Variants in KLKB1 observed in about 807,000 individuals in gnomAD.
KLKB1 encodes the protein plasma kallikrein.
In KLKB1, 58 loss-of-function variants were observed where a neutral mutation model predicts 73.6. The ratio of observed to expected loss-of-function variants is 0.79; its 90% CI spans 0.64 to 0.98. KLKB1 has a LOEUF of 0.98. Ranked by LOEUF, KLKB1 falls within the 50% of genes least tolerant of loss-of-function variation. KLKB1 has a pLI of 0.00. For missense variants in KLKB1, 737 were observed against 763.8 expected, an observed-to-expected ratio of 0.96 and a Z score of 0.41; for synonymous variants, 280 against 258.1, an observed-to-expected ratio of 1.08 and a Z score of -0.81.
At chr4:186,256,702 C>T (rs1193289763) in intron 13 of KLKB1, among the ~76,000 whole-genome samples, 3 of 152,112 alleles carry the variant, frequency 2.0e-5, no homozygotes, top group Non-Finnish European at 4.4e-5. Context: ...CAAAAGACCC[C>T]TCTGTTGCCA....
At chr4:186,229,638 G>A (rs1737302465) in intron 2 of KLKB1, among the ~76,000 whole-genome samples, 1 of 152,114 alleles carries the variant, frequency 6.6e-6, no homozygotes, top group Admixed American at 6.6e-5. Flanking sequence ...TTAGGTTTCA[G>A]AAAGTTTACT....
intron 4 of KLKB1, among the ~76,000 whole-genome samples, chr4:186,235,922 T>C (rs1233223543): frequency 6.6e-6 from 1 of 151,826 alleles, no homozygotes; most frequent in Non-Finnish European, 1.5e-5. Flanking sequence ...GAGACCATCC[T>C]GGCTGACACG....
intron 4 of KLKB1, among the ~76,000 whole-genome samples, chr4:186,234,330 T>G (rs1043604839): frequency 1.3e-5 from 2 of 152,214 alleles, no homozygotes; most frequent in Non-Finnish European, 2.9e-5. Flanking sequence ...AATAATTGTG[T>G]CTCGTTTCCA....
chr4:186,251,489 C>G lies in KLKB1; in HGVS notation c.871C>G (p.Pro291Ala), dbSNP rs1411967066. 1 of 1,613,262 alleles carries G rather than the reference C, an allele frequency of 6.2e-7. No individual in the cohort carries two copies. Among genetic ancestry groups the G allele is most frequent in the Non-Finnish European group, 8.5e-7 (1 of 1,179,412 alleles). The change falls in exon 9 of 15, where the codon CCC (proline) becomes GCC (alanine). Residue 291 changes from proline to alanine, a missense_variant and splice_region_variant. Transcript: ENST00000264690. ...TTTTGTGTTTATAATTGACACAGAA[C>G]CCTGCCATTCTAAAATTTACCCGGG... ...LLTCKRTLPE[P>A]CHSKIYPGVD...
chr4:186,223,504 G>T (rs1254033329), upstream of KLKB1, among the ~76,000 whole-genome samples: 1 of 152,204 alleles, frequency 6.6e-6, no homozygotes. Flanking sequence ...GGCCATTCTT[G>T]CTATGCTTTA....
chr4:186,254,821 T>C, intron 12 of KLKB1, 58 bp downstream of exon 12: 1 of 1,472,144 alleles, frequency 6.8e-7, no homozygotes, highest in Non-Finnish European at 9.5e-7. Context: ...TATTTTCATA[T>C]CAGTTTGAAC....
chr4:186,254,661 T>G lies in KLKB1; in HGVS notation c.1387T>G (p.Phe463Val). The change falls in exon 12 of 15, where the codon TTC (phenylalanine) becomes GTC (valine). Residue 463 changes from phenylalanine (F) to valine (V), a missense_variant. Coordinates refer to ENST00000264690, the MANE Select transcript of KLKB1 (RefSeq NM_000892.5). Reference protein sequence around the residue: ...NLSDITKDTPFSQIKEIIIHQ... With the variant: ...NLSDITKDTPVSQIKEIIIHQ... Reference sequence around the variant, plus strand: ...GTCAGACATTACAAAAGATACACCTTTCTCACAAATAAAAGAGATTATTAT... The same window carrying G: ...GTCAGACATTACAAAAGATACACCTGTCTCACAAATAAAAGAGATTATTAT... 1.2e-6 allele frequency: 2 copies of G among 1,613,490 alleles called. No homozygotes were observed. Among genetic ancestry groups the G allele is most frequent in the South Asian group, 2.2e-5 (2 of 91,070 alleles).
chr4:186,214,049 C>T (rs1011748271), intron 2 of KLKB1, among the ~76,000 whole-genome samples: 3 of 152,120 alleles, frequency 2.0e-5, no homozygotes, highest in Middle Eastern at 3.2e-3. Flanking sequence ...GTGACCCAAG[C>T]AAGGTTAAAT....
chr4:186,232,148 A>G lies in KLKB1; in HGVS notation c.80A>G (p.Glu27Gly). ...ACAGGATGTCTGACTCAACTCTATG[A>G]AAACGCCTTCTTCAGAGGTGGGGAT... ...VSCGCLTQLY[E>G]NAFFRGGDVA... is the part of the protein sequence containing the mutation. Residue 27 changes from glutamate to glycine, a missense_variant, in exon 3 of 15, where the codon GAA (glutamate) becomes GGA (glycine). Coordinates refer to ENST00000264690, the MANE Select transcript of KLKB1 (RefSeq NM_000892.5). 6.2e-7 allele frequency: 1 copy of G among 1,613,162 alleles called. No individual in the cohort carries two copies. Among genetic ancestry groups the G allele is most frequent in the South Asian group, 1.1e-5 (1 of 90,880 alleles).
At chr4:186,244,783 C>T (rs1212713071) in intron 6 of KLKB1, among the ~76,000 whole-genome samples, 1 of 152,152 alleles carries the variant, frequency 6.6e-6, no homozygotes, top group Non-Finnish European at 1.5e-5. Context: ...AGTTTATAGG[C>T]TTCAAAAGGC....
At chr4:186,229,141 GAGA>G (rs1737278738) in intron 2 of KLKB1, among the ~76,000 whole-genome samples, 1 of 152,164 alleles carries the variant, frequency 6.6e-6, no homozygotes, top group Non-Finnish European at 1.5e-5. Flanking sequence ...ACTGAAAGGT[GAGA>G]AGGAGCATAA....
chr4:186,249,390 G>A (rs2126665751), intron 6 of KLKB1, among the ~76,000 whole-genome samples: 2 of 152,268 alleles, frequency 1.3e-5, no homozygotes, highest in Admixed American at 1.3e-4. Flanking sequence ...TTATTCCATT[G>A]TCTTGAAACC....
intron 3 of KLKB1, among the ~76,000 whole-genome samples, chr4:186,233,600 G>A (rs1195693998): frequency 6.6e-6 from 1 of 152,146 alleles, no homozygotes; most frequent in African/African-American, 2.4e-5. Flanking sequence ...TACAAATCCA[G>A]CTCTTATCAC....
intron 2 of KLKB1, among the ~76,000 whole-genome samples, chr4:186,214,603 A>G (rs1161718121): frequency 6.6e-6 from 1 of 152,228 alleles, no homozygotes; most frequent in Non-Finnish European, 1.5e-5. Context: ...GCATTGTTTT[A>G]GAAGACAGCT....
upstream of KLKB1, among the ~76,000 whole-genome samples, chr4:186,224,158 G>A (rs1358300825): frequency 6.6e-6 from 1 of 152,258 alleles, no homozygotes; most frequent in Non-Finnish European, 1.5e-5. Flanking sequence ...AGGATGTGTG[G>A]AAACACCTGG....
chr4:186,243,993 A>G (rs1254626533), intron 6 of KLKB1, among the ~76,000 whole-genome samples: 1 of 152,092 alleles, frequency 6.6e-6, no homozygotes, highest in African/African-American at 2.4e-5. Flanking sequence ...AGATACAGTC[A>G]TGGGGGTGGG....
At chr4:186,229,453 G>A (rs888108210) in intron 2 of KLKB1, among the ~76,000 whole-genome samples, 1 of 151,984 alleles carries the variant, frequency 6.6e-6, no homozygotes, top group Non-Finnish European at 1.5e-5. Context: ...CTATCTTTTG[G>A]TGCAAATAAG....
chr4:186,221,968 T>C (rs1737042139), upstream of KLKB1, among the ~76,000 whole-genome samples: 1 of 152,204 alleles, frequency 6.6e-6, no homozygotes, highest in African/African-American at 2.4e-5. Context: ...GTATTTACAA[T>C]TGTTATATCC....
At chr4:186,212,972 C>G (rs559282651) in intron 2 of KLKB1, 1 of 152,268 alleles carries the variant, frequency 6.6e-6, no homozygotes, top group Admixed American at 6.5e-5. Context: ...AAAAGTCCTT[C>G]CAAGATGATT....
Sources: gnomAD v4.1 joint callset for allele counts (sites outside exome capture counted in the v4.1 genomes callset) on GRCh38, gnomAD v4.1.1 for gene constraint, MANE v1.5 for transcripts, NCBI Gene and HGNC (gene_info 2026-07-23, HGNC 2026-07-21) for gene names.